ITGA7: variants seen among roughly 807,000 people sequenced by gnomAD.
ITGA7 encodes integrin alpha-7.
In ITGA7, 84 loss-of-function variants were observed where a neutral mutation model predicts 131.6. The observed-to-expected ratio is 0.64, with a 90% confidence interval of 0.54 to 0.77. ITGA7 has a LOEUF of 0.77. Ranked by LOEUF, ITGA7 falls within the 30% of genes least tolerant of loss-of-function variation. The pLI, the probability that ITGA7 is intolerant of heterozygous loss-of-function variation, is 0.00. For synonymous variants in ITGA7, 548 were observed against 600.7 expected, an observed-to-expected ratio of 0.91 and a Z score of 1.28; for missense variants, 1,399 against 1,482.9, an observed-to-expected ratio of 0.94 and a Z score of 0.93.
intron 4 of ITGA7, 184 bp downstream of exon 4, chr12:55,700,715 G>A (rs1565634788): frequency 7.7e-6 from 6 of 778,016 alleles, no homozygotes; most frequent in East Asian, 5.3e-5. Flanking sequence ...TTGGCCGTGC[G>A]AGGGAAAGGA....
At chr12:55,700,234 C>A (rs1420274538) in intron 4 of ITGA7, 1 of 1,587,092 alleles carries the variant, frequency 6.3e-7, no homozygotes, top group Non-Finnish European at 8.6e-7. Flanking sequence ...AGGGTTAGAG[C>A]AGTTCTGGGC....
chr12:55,713,209 G>C (rs1592509651), upstream of ITGA7, among the ~76,000 whole-genome samples: 1 of 152,314 alleles, frequency 6.6e-6, no homozygotes, highest in African/African-American at 2.4e-5. Context: ...TGGAGCCAGA[G>C]AGTGGGGAGG....
At chr12:55,702,805 C>T in intron 3 of ITGA7, 67 bp downstream of exon 3, 1 of 1,353,176 alleles carries the variant, frequency 7.4e-7, no homozygotes, top group South Asian at 1.2e-5. Context: ...TATGCGTATG[C>T]ACACACCATA....
At chr12:55,697,148 C>A in intron 11 of ITGA7, 68 bp downstream of exon 11, 1 of 1,576,960 alleles carries the variant, frequency 6.3e-7, no homozygotes, top group South Asian at 1.2e-5. Flanking sequence ...GCTCTTCTAC[C>A]ACCTCGAAGT....
At chr12:55,716,234 C>T (rs377467243), upstream of ITGA7, 2 of 1,573,084 alleles carry the variant, frequency 1.3e-6, no homozygotes, top group Non-Finnish European at 1.7e-6. Flanking sequence ...TCTCTTCGGC[C>T]GCGGCCTAGC....
At chr12:55,703,878 C>T (rs1003938620) in intron 1 of ITGA7, among the ~76,000 whole-genome samples, 2 of 152,198 alleles carry the variant, frequency 1.3e-5, no homozygotes, top group African/African-American at 4.8e-5. Flanking sequence ...ATCCTTCCTT[C>T]TCCCCATGTC....
At chr12:55,702,768 T>A (rs1035917721) in intron 3 of ITGA7, 104 bp downstream of exon 3, 1 of 939,960 alleles carries the variant, frequency 1.1e-6, no homozygotes, top group Non-Finnish European at 1.7e-6. Context: ...CATACCATAT[T>A]CCTAACTTGT....
At chr12:55,707,066 C>T (rs1162310919) in intron 1 of ITGA7, among the ~76,000 whole-genome samples, 3 of 152,206 alleles carry the variant, frequency 2.0e-5, no homozygotes, top group Non-Finnish European at 2.9e-5. Context: ...CCTCTCATGG[C>T]ACCCTCAACT....
chr12:55,715,062 T>A (rs1366429563), upstream of ITGA7, among the ~76,000 whole-genome samples: 1 of 152,136 alleles, frequency 6.6e-6, no homozygotes, highest in Non-Finnish European at 1.5e-5. Flanking sequence ...GGTTTCACCA[T>A]GTTGGTCAGC....
chr12:55,695,715 G>GT (rs1872504323), intron 13 of ITGA7, 78 bp from the exon 14 acceptor site: 1 of 951,494 alleles, frequency 1.1e-6, no homozygotes, highest in Non-Finnish European at 1.7e-6. Context: ...CATATGGTGG[G>GT]TTAGAGTATC....
At chr12:55,686,399 C>T (rs1222853711) in intron 24 of ITGA7, 4 of 798,270 alleles carry the variant, frequency 5.0e-6, no homozygotes, top group African/African-American at 1.8e-5. Context: ...TCTGCTCTGT[C>T]TTCCTTCCAT....
At position 55,697,741 on chromosome 12, in the gene ITGA7, G is replaced by A; in HGVS notation, c.1363C>T (p.Pro455Ser). Residue 455 changes from proline (P) to serine (S), a missense_variant, in exon 9 of 25, where the codon CCT becomes TCT. Physicochemically the swap from Pro to Ser is moderately conservative, Grantham distance 74. Transcript: ENST00000257879. ...GSLDMDGNQY[P>S]DLLVGSLADT... is the part of the protein sequence containing the mutation. ...GCCAGGGAGCCCACCAGCAGGTCAG[G>A]GTATTGGTTCCCATCCATATCCAAG... 3 of 1,614,116 alleles carry A rather than the reference G, an allele frequency of 1.9e-6. No individual in the cohort carries two copies. Among genetic ancestry groups the A allele is most frequent in the East Asian group, 2.2e-5 (1 of 44,886 alleles).
Position 55,696,978 on chromosome 12 carries a change from G to C in ITGA7, c.1658C>G (p.Pro553Arg). Residue 553 changes from proline to arginine, a missense_variant, in exon 12 of 25, where the codon CCC (proline) becomes CGC (arginine). Coordinates refer to ENST00000257879, the MANE Select transcript of ITGA7 (RefSeq NM_002206.3). ...CACGGTGCCCGAGGCCTGGTGCTTG[G>C]GTTCTTCCAGGTTACGGCTCAGGAA... The part of the protein sequence containing the change: ...VTFLSRNLEE[P>R]KHQASGTVWL... 1 of 1,614,150 alleles carries C rather than the reference G, an allele frequency of 6.2e-7. No homozygotes were observed. The highest frequency in any genetic ancestry group is 8.5e-7 in the Non-Finnish European group (1 of 1,180,040).
intron 24 of ITGA7, chr12:55,686,405 TC>T: frequency 1.4e-6 from 1 of 739,386 alleles, no homozygotes; most frequent in South Asian, 1.6e-5. Flanking sequence ...CTGTCTTCCT[TC>T]CATGGGAGCA....
intron 24 of ITGA7, among the ~76,000 whole-genome samples, chr12:55,686,824 C>G (rs1870254112): frequency 6.6e-6 from 1 of 152,230 alleles, no homozygotes; most frequent in African/African-American, 2.4e-5. Context: ...AGGGCAGTCC[C>G]CTGGAGGCCG....
upstream of ITGA7, chr12:55,707,928 G>T: frequency 7.2e-7 from 1 of 1,381,668 alleles, no homozygotes; most frequent in Non-Finnish European, 9.3e-7. Flanking sequence ...TCCTCTCCCG[G>T]GGACGCCACT....
At position 55,692,966 on chromosome 12, in the gene ITGA7, T is replaced by C. The variant is rs771994045; in HGVS notation, c.2722A>G (p.Ser908Gly). ...RPNILHLDVD[S>G]RDRRRRELEP... ...AGCTCCCGCCGCCTCCTATCCCTAC[T>C]GTCCACATCCTGGACACGGAAGGGG... The change falls in exon 21 of 25, where the codon AGT (serine) becomes GGT (glycine). Residue 908 changes from serine to glycine, a missense_variant. Transcript: ENST00000257879. 41 of 1,613,850 alleles carry C rather than the reference T, an allele frequency of 2.5e-5. No homozygotes were observed. Among genetic ancestry groups the C allele is most frequent in the Middle Eastern group, 1.6e-4 (1 of 6,082 alleles).
Position 55,688,276 on chromosome 12 carries a change from C to T in ITGA7, c.2983G>A (p.Glu995Lys), listed in dbSNP as rs765253422. 5.6e-6 allele frequency: 9 copies of T among 1,613,890 alleles called. No individual in the cohort carries two copies. The Admixed American group carries it at 1.5e-4, about 27-fold the overall frequency. Reference sequence around the variant, plus strand: ...GTGATGTTGGCCCGGACAATCACTTCCAGGGACTTCACAGCTGAGTACTCC... The same window carrying T: ...GTGATGTTGGCCCGGACAATCACTTTCAGGGACTTCACAGCTGAGTACTCC... Reference protein sequence around the residue: ...LEEYSAVKSLEVIVRANITVK... With the variant: ...LEEYSAVKSLKVIVRANITVK... The change falls in exon 23 of 25, where the codon GAA (glutamate) becomes AAA (lysine). Residue 995 changes from glutamate (E) to lysine (K), a missense_variant. By Grantham distance (56) the Glu-to-Lys change is moderately conservative. Coordinates refer to ENST00000257879, the MANE Select transcript of ITGA7 (RefSeq NM_002206.3).
At chr12:55,695,773 G>T (rs1872517467) in intron 13 of ITGA7, 136 bp from the exon 14 acceptor site, 2 of 677,656 alleles carry the variant, frequency 3.0e-6, no homozygotes, top group Non-Finnish European at 5.4e-6. Flanking sequence ...CTGCTTATTA[G>T]CCATGTGATC....
Sources: gnomAD v4.1 joint callset for allele counts (sites outside exome capture counted in the v4.1 genomes callset) on GRCh38, gnomAD v4.1.1 for gene constraint, MANE v1.5 for transcripts, NCBI Gene and HGNC (gene_info 2026-07-23, HGNC 2026-07-21) for gene names.